ADCY8: variants seen among roughly 807,000 people sequenced by gnomAD.
ADCY8 encodes the protein adenylate cyclase 8.
A neutral mutation model predicts 119.7 loss-of-function variants in ADCY8; 51 were observed. The ratio of observed to expected loss-of-function variants is 0.43; its 90% CI spans 0.34 to 0.54. The LOEUF (loss-of-function observed/expected upper bound fraction) is 0.54. ADCY8 is among the 20% of genes least tolerant of loss of function. The pLI, the probability that ADCY8 is intolerant of heterozygous loss-of-function variation, is 0.03. For missense variants in ADCY8, 1,383 were observed against 1,598.8 expected (o/e 0.87, Z 2.30); for synonymous variants, 665 against 651.0 (o/e 1.02, Z -0.33).
chr8:131,040,214 C>G lies in ADCY8; in HGVS notation c.120G>C (p.Thr40=). The part of the protein sequence containing the change: ...ASRPQRLLWQ[T]AVRHITEQRF... Reference sequence around the variant, plus strand: ...GCTGCTCCGTGATGTGTCGCACCGCCGTCTGCCACAGCAGCCGCTGCGGCC... The same window carrying G: ...GCTGCTCCGTGATGTGTCGCACCGCGGTCTGCCACAGCAGCCGCTGCGGCC... Residue 40 remains threonine (T), a synonymous_variant, in exon 1 of 18, where the codon ACG becomes ACC. Transcript: ENST00000286355. 6.5e-7 allele frequency: 1 copy of G among 1,538,190 alleles called. No homozygotes were observed. Among genetic ancestry groups the G allele is most frequent in the Non-Finnish European group, 8.7e-7 (1 of 1,148,596 alleles).
At position 130,901,619 on chromosome 8, in the gene ADCY8, T is replaced by C. The variant is rs796510920; in HGVS notation, c.1911+2153A>G. ...AAATTATGTCTCTGAATTGCACATA[T>C]GGCTCACTGACTTCTAGAGTTAGGC... On this transcript the variant is annotated intron_variant, in intron 7 of 17. Coordinates refer to ENST00000286355, the MANE Select transcript of ADCY8 (RefSeq NM_001115.3). Among the ~76,000 whole-genome samples, 7 of 152,316 alleles carry C rather than the reference T, an allele frequency of 4.6e-5. 1 individual carries two copies. The highest frequency in any genetic ancestry group is 1.7e-4 in the African/African-American group (7 of 41,572).
In ADCY8 at chr8:130,990,459, T is replaced by C. The variant is rs758286510; in HGVS notation, c.1044A>G (p.Gln348=). 34 of 1,614,212 alleles carry C rather than the reference T, an allele frequency of 2.1e-5. No homozygotes were observed. Among genetic ancestry groups the C allele is most frequent in the Non-Finnish European group, 2.6e-5 (31 of 1,180,024 alleles). ...CACACCTCCGAGTCTCCAGGAAAGC[T>C]TGGCGCTGGGCCCGGTCTGACAGGT... ...ISYLSDRAQR[Q]AFLETRRCVE... is the part of the protein sequence containing the mutation. Residue 348 remains glutamine, a synonymous_variant, in exon 2 of 18, where the codon CAA becomes CAG. Coordinates refer to ENST00000286355, the MANE Select transcript of ADCY8 (RefSeq NM_001115.3).
intron 1 of ADCY8, among the ~76,000 whole-genome samples, chr8:131,015,029 C>T (rs1335359924): frequency 2.0e-5 from 1 of 49,406 alleles, no homozygotes; most frequent in Non-Finnish European, 4.8e-5. Context: ...TCTGGGCACA[C>T]TAAGGTCTTA....
In ADCY8 at chr8:131,040,656, GGC is replaced by G. The variant is rs764190971; in HGVS notation, c.-325_-324del. 9 of 241,536 alleles carry G rather than the reference GGC, an allele frequency of 3.7e-5. No homozygotes were observed. Among genetic ancestry groups the G allele is most frequent in the Admixed American group, 3.3e-4 (6 of 18,152 alleles). 15.0% of individuals were successfully genotyped at this position (241,536 alleles called of 1,614,324 possible). ...CTGTGAGCCACGCAGCCCCTTCCTG[GGC>G]TCAGGCTCCTTGGTTGATTCTAGGC... On this transcript the variant is annotated 5_prime_UTR_variant, in exon 1 of 18. Coordinates refer to ENST00000286355, the MANE Select transcript of ADCY8 (RefSeq NM_001115.3).
chr8:130,793,014 T>A (rs1815470566), intron 15 of ADCY8, among the ~76,000 whole-genome samples: 1 of 152,144 alleles, frequency 6.6e-6, no homozygotes, highest in Admixed American at 6.5e-5. Context: ...GGCCCAAGTC[T>A]TTCCCTGTCT....
chr8:130,886,097 T>A (rs1398364251), intron 7 of ADCY8, among the ~76,000 whole-genome samples: 1 of 152,098 alleles, frequency 6.6e-6, no homozygotes, highest in Non-Finnish European at 1.5e-5. Flanking sequence ...CCTATGGTGT[T>A]ATTGAACCCT....
intron 1 of ADCY8, among the ~76,000 whole-genome samples, chr8:131,035,247 T>C (rs1824114710): frequency 6.6e-6 from 1 of 152,152 alleles, no homozygotes; most frequent in Non-Finnish European, 1.5e-5. Context: ...ATTGTAGCCC[T>C]AGTGCTACCT....
At chr8:130,869,861 A>G (rs1003111129) in intron 8 of ADCY8, among the ~76,000 whole-genome samples, 1 of 151,890 alleles carries the variant, frequency 6.6e-6, no homozygotes, top group Non-Finnish European at 1.5e-5. Flanking sequence ...TAGATTTGAT[A>G]ATGAAAATTT....
chr8:130,945,892 C>A (rs376187801), intron 3 of ADCY8, among the ~76,000 whole-genome samples: 5 of 152,216 alleles, frequency 3.3e-5, no homozygotes, highest in African/African-American at 1.2e-4. Context: ...GAGAACCTAT[C>A]ATGTTCTTCT....
chr8:130,849,484 C>T (rs1817443013), intron 10 of ADCY8, 118 bp downstream of exon 10: 6 of 1,037,448 alleles, frequency 5.8e-6, no homozygotes, highest in Non-Finnish European at 8.6e-6. Flanking sequence ...GGGGCTGGAC[C>T]AGGCACATAA....
intron 8 of ADCY8, 57 bp downstream of exon 8, chr8:130,884,507 A>G: frequency 1.3e-6 from 2 of 1,582,444 alleles, no homozygotes; most frequent in South Asian, 1.1e-5. Context: ...CTCTAGTCCC[A>G]TGAACATCTA....
In ADCY8 at chr8:130,849,481, G is replaced by A; in HGVS notation, c.2412+121C>T. Reference sequence around the variant, plus strand: ...TTATCTGTCCCTAAGCTTGGGGCTGGACCAGGCACATAAAGGTAACTGGTA... The same window carrying A: ...TTATCTGTCCCTAAGCTTGGGGCTGAACCAGGCACATAAAGGTAACTGGTA... On this transcript the variant is annotated intron_variant, in intron 10 of 17. Transcript: ENST00000286355. 4 of 1,003,322 alleles carry A rather than the reference G, an allele frequency of 4.0e-6. No homozygotes were observed. In the South Asian group the frequency reaches 6.2e-5, roughly 16 times the overall value. 62.2% of individuals were successfully genotyped at this position (1,003,322 alleles called of 1,614,324 possible).
rs113347368 is a variant in ADCY8 at position 130,956,589 on chromosome 8, G to A, written c.1111-4591C>T. Among the ~76,000 whole-genome samples the A allele has an allele frequency of 1.8e-3, 270 of 152,242 alleles. 2 individuals are homozygous for A. The highest frequency in any genetic ancestry group is 0.017 in the Middle Eastern group (5 of 294). ...TGCTTATATACCAGTTGGTAAACTCGGAGCTCTTTGCGTTCATCTTTTTGT... is the reference window on the plus strand; with the variant it reads ...TGCTTATATACCAGTTGGTAAACTCAGAGCTCTTTGCGTTCATCTTTTTGT... On this transcript the variant is annotated intron_variant, in intron 2 of 17. Transcript: ENST00000286355.
At chr8:131,034,494 A>T (rs993108064) in intron 1 of ADCY8, among the ~76,000 whole-genome samples, 2 of 152,146 alleles carry the variant, frequency 1.3e-5, no homozygotes, top group African/African-American at 2.4e-5. Context: ...TAAAGGCCAA[A>T]TGTTAGGCTA....
intron 15 of ADCY8, among the ~76,000 whole-genome samples, chr8:130,785,677 T>C (rs1246258094): frequency 6.6e-6 from 1 of 152,212 alleles, no homozygotes; most frequent in Non-Finnish European, 1.5e-5. Flanking sequence ...GGAGTGGAGA[T>C]GGGTGTAAAT....
chr8:130,824,932 A>T (rs1030432793), intron 12 of ADCY8, among the ~76,000 whole-genome samples: 4 of 152,214 alleles, frequency 2.6e-5, no homozygotes, highest in Non-Finnish European at 2.9e-5. Context: ...GTCTTTCTGC[A>T]TCCATTCTTG....
intron 3 of ADCY8, chr8:130,949,379 T>A (rs890837962): frequency 7.2e-5 from 11 of 152,296 alleles, no homozygotes; most frequent in Admixed American, 5.9e-4. Flanking sequence ...TTTCATCATA[T>A]GCCACATATT....
chr8:130,926,506 A>G (rs1459856937), intron 5 of ADCY8, among the ~76,000 whole-genome samples: 1 of 152,140 alleles, frequency 6.6e-6, no homozygotes, highest in East Asian at 1.9e-4. Flanking sequence ...TATTTGTTGC[A>G]TACCACACGA....
chr8:130,894,092 CTT>C (rs1455178330), intron 7 of ADCY8, among the ~76,000 whole-genome samples: 1 of 152,088 alleles, frequency 6.6e-6, no homozygotes, highest in Non-Finnish European at 1.5e-5. Flanking sequence ...TCAGACCACT[CTT>C]ATACAATTTA....
Sources: gnomAD v4.1 joint callset for allele counts (sites outside exome capture counted in the v4.1 genomes callset) on GRCh38, gnomAD v4.1.1 for gene constraint, MANE v1.5 for transcripts, NCBI Gene and HGNC (gene_info 2026-07-23, HGNC 2026-07-21) for gene names.